The following PSMA6 variants were observed in gnomAD, a reference collection of about 807,000 sequenced individuals.
PSMA6 encodes the protein proteasome subunit alpha type-6.
For missense variants in PSMA6, 170 were observed against 294.8 expected (o/e 0.58, Z 3.10); for synonymous variants, 88 against 97.7 (o/e 0.90, Z 0.59).
At chr14:35,314,559 T>C in intron 6 of PSMA6, 104 bp downstream of exon 6, 1 of 1,324,000 alleles carries the variant, frequency 7.6e-7, no homozygotes, top group Non-Finnish European at 9.8e-7. Context: ...ACTGTCATTA[T>C]AGTTTTTGTT....
chr14:35,294,037 A>AT (rs1290009333), intron 1 of PSMA6, among the ~76,000 whole-genome samples: 2 of 152,138 alleles, frequency 1.3e-5, no homozygotes, highest in African/African-American at 2.4e-5. Flanking sequence ...AGACAGAATG[A>AT]TTTTTTATTT....
chr14:35,292,384 A>C lies in PSMA6; in HGVS notation c.-93A>C. On this transcript the variant is annotated 5_prime_UTR_variant, in exon 1 of 7. Coordinates refer to ENST00000261479, the MANE Select transcript of PSMA6 (RefSeq NM_002791.3). ...GGAAGAAACGCGGCTGGTACCCCGG[A>C]AGCAGTCGCTGCAACTTCCGGGAGG... is the stretch of plus-strand genomic sequence containing the variant. 3.9e-6 allele frequency: 6 copies of C among 1,541,518 alleles called. No individual in the cohort carries two copies. Among genetic ancestry groups the C allele is most frequent in the Non-Finnish European group, 5.2e-6 (6 of 1,144,708 alleles).
At chr14:35,310,067 C>T (rs969838510) in intron 3 of PSMA6, 1 of 346,744 alleles carries the variant, frequency 2.9e-6, no homozygotes, top group African/African-American at 2.2e-5. Context: ...CCAAGGAATT[C>T]AAGGCTGCAG....
At chr14:35,289,915 C>CAAAAAAAAAA (rs750610944), upstream of PSMA6, among the ~76,000 whole-genome samples, 2 of 79,650 alleles carry the variant, frequency 2.5e-5, no homozygotes, top group Admixed American at 1.3e-4. Flanking sequence ...TACCGCATTT[C>CAAAAAAAAAA]AAAAAAAAAA....
upstream of PSMA6, among the ~76,000 whole-genome samples, chr14:35,291,110 G>GC: frequency 6.6e-6 from 1 of 151,452 alleles, no homozygotes; most frequent in East Asian, 1.9e-4. Flanking sequence ...TCCCACCTTA[G>GC]CCCCCCGAGT....
chr14:35,292,172 T>C, upstream of PSMA6: 1 of 514,736 alleles, frequency 1.9e-6, no homozygotes, highest in Non-Finnish European at 2.9e-6. Context: ...AGTCAATTCA[T>C]TCTCCAGATG....
At chr14:35,299,602 G>A (rs565387919) in intron 1 of PSMA6, among the ~76,000 whole-genome samples, 4 of 152,060 alleles carry the variant, frequency 2.6e-5, no homozygotes, top group Admixed American at 6.6e-5. Context: ...GATTACAGGC[G>A]TGAGCCACCA....
chr14:35,293,009 A>G (rs1188801696), intron 1 of PSMA6: 3 of 458,124 alleles, frequency 6.5e-6, no homozygotes, highest in African/African-American at 2.0e-5. Flanking sequence ...TATACCAGAC[A>G]CTGCTAGTCC....
At position 35,317,338 on chromosome 14, in the gene PSMA6, C is replaced by T. The variant is rs1162762613; in HGVS notation, c.*32C>T. 11 of 1,562,050 alleles carry T rather than the reference C, an allele frequency of 7.0e-6. No individual in the cohort carries two copies. The highest frequency in any genetic ancestry group is 8.8e-6 in the Non-Finnish European group (10 of 1,134,710). ...TCGTTAGTTTACCAGATCCGTGATG[C>T]CACTTACCTGTGTGTTTGGTAACAA... On this transcript the variant is annotated 3_prime_UTR_variant, in exon 7 of 7. Coordinates refer to ENST00000261479, the MANE Select transcript of PSMA6 (RefSeq NM_002791.3).
At position 35,308,154 on chromosome 14, in the gene PSMA6, G is replaced by T. The variant is rs796727725; in HGVS notation, c.171+66G>T. ...AAGAATTTTTCAGCCAAGTGCAGTG[G>T]CTCACACCTGTAATCCCAGCACTTT... On this transcript the variant is annotated intron_variant, in intron 2 of 6. Coordinates refer to ENST00000261479, the MANE Select transcript of PSMA6 (RefSeq NM_002791.3). 7 of 1,575,362 alleles carry T rather than the reference G, an allele frequency of 4.4e-6. No homozygotes were observed. The South Asian group carries it at 7.9e-5, about 18-fold the overall frequency.
At chr14:35,282,431 AAT>A (rs941498459) in intron 1 of PSMA6, among the ~76,000 whole-genome samples, 1 of 146,690 alleles carries the variant, frequency 6.8e-6, no homozygotes, top group African/African-American at 2.7e-5. Flanking sequence ...ATTAAAAAAA[AAT>A]TTTTTTTTTT....
intron 1 of PSMA6, among the ~76,000 whole-genome samples, chr14:35,283,731 C>A (rs1312833500): frequency 6.6e-6 from 1 of 151,886 alleles, no homozygotes; most frequent in African/African-American, 2.4e-5. Flanking sequence ...ACCACCACAC[C>A]TGGTTAATTT....
chr14:35,294,699 G>GT (rs1320603832), intron 1 of PSMA6, among the ~76,000 whole-genome samples: 3 of 151,600 alleles, frequency 2.0e-5, no homozygotes, highest in Admixed American at 6.6e-5. Context: ...TGATTCTTTG[G>GT]CCCCCCCTTT....
intron 1 of PSMA6, among the ~76,000 whole-genome samples, chr14:35,285,365 A>AAT (rs1157163090): frequency 1.3e-5 from 2 of 150,942 alleles, no homozygotes; most frequent in Non-Finnish European, 3.0e-5. Context: ...CAAAAAAAAA[A>AAT]ACCGTAGCAC....
chr14:35,316,076 AAACATC>A (rs1359286991), intron 6 of PSMA6: 3 of 152,186 alleles, frequency 2.0e-5, no homozygotes, highest in Non-Finnish European at 2.9e-5. Context: ...CTTTCGAGGC[AAACATC>A]ATTTAGAAAA....
chr14:35,292,206 A>T, upstream of PSMA6: 3 of 888,580 alleles, frequency 3.4e-6, no homozygotes, highest in Non-Finnish European at 4.5e-6. Flanking sequence ...GCCACGACCC[A>T]AGTTTCACGT....
intron 6 of PSMA6, chr14:35,315,624 A>G (rs2052029691): frequency 6.9e-6 from 1 of 144,050 alleles, no homozygotes; most frequent in Admixed American, 6.9e-5. Flanking sequence ...TTCTTCCCGT[A>G]GGAAGAAGTC....
intron 2 of PSMA6, chr14:35,308,314 G>A (rs1420709944): frequency 1.7e-5 from 6 of 347,704 alleles, no homozygotes; most frequent in East Asian, 6.8e-5. Flanking sequence ...CCAGCTACTC[G>A]GGAGGCTGAG....
intron 1 of PSMA6, among the ~76,000 whole-genome samples, chr14:35,300,061 G>C (rs945076857): frequency 6.6e-6 from 1 of 152,110 alleles, no homozygotes; most frequent in Non-Finnish European, 1.5e-5. Flanking sequence ...ATTTTGAAGG[G>C]GCTTGAGTAC....
Sources: allele counts gnomAD v4.1 joint callset (sites outside exome capture counted in the v4.1 genomes callset), GRCh38; gene constraint gnomAD v4.1.1; transcripts MANE v1.5; gene names NCBI Gene and HGNC (gene_info 2026-07-23, HGNC 2026-07-21).